The following EGR3 variants were observed in gnomAD, a reference collection of about 807,000 sequenced individuals.
EGR3 encodes early growth response 3, also known as early growth response protein 3.
Under a neutral mutation model 22.4 loss-of-function variants are expected in EGR3, and 4 were observed. The ratio of observed to expected loss-of-function variants is 0.18; its 90% CI spans 0.09 to 0.41. The LOEUF is 0.41. Among genes scored for constraint, EGR3 ranks in the 10% least tolerant of loss-of-function variants. The pLI, the probability that EGR3 is intolerant of heterozygous loss-of-function variation, is 1.00. For synonymous variants in EGR3, 219 were observed against 226.8 expected (o/e 0.97, Z 0.31); for missense variants, 315 against 541.3 (o/e 0.58, Z 4.15).
rs1803922688 is a variant in EGR3, at chr8:22,690,734, G to T, written c.903C>A (p.Gly301=). The T allele has an allele frequency of 6.2e-7, 1 of 1,613,996 alleles. No homozygotes were observed. The highest frequency in any genetic ancestry group is 1.7e-4 in the Middle Eastern group (1 of 6,056). ...ELTRHLRIHT[G]HKPFQCRICM... ...AGATCCGGCACTGGAAGGGCTTGTG[G>T]CCCGTGTGGATGCGCAGGTGCCGGG... The change falls in exon 2 of 2, where the codon GGC becomes GGA. Residue 301 remains glycine (G), a synonymous_variant. Transcript: ENST00000317216.
rs1364273354 is a variant in EGR3, at chr8:22,691,383, T to C, written c.254A>G (p.Tyr85Cys). Reference protein sequence around the residue: ...QPAPGNKTVTYLGKFAFDSPS... With the variant: ...QPAPGNKTVTCLGKFAFDSPS... ...GGAGTCGAAGGCGAACTTTCCCAAG[T>C]AGGTCACGGTCTTGTTGCCGGGGGC... The change falls in exon 2 of 2, where the codon TAC (tyrosine) becomes TGC (cysteine). Residue 85 changes from tyrosine (Y) to cysteine (C), a missense_variant. This residue lies in a region of EGR3 where 227 missense variants were observed against 303.6 expected (regional missense o/e 0.75). Coordinates refer to ENST00000317216, the MANE Select transcript of EGR3 (RefSeq NM_004430.3). 1.2e-6 allele frequency: 2 copies of C among 1,613,886 alleles called. No homozygotes were observed. The highest frequency in any genetic ancestry group is 8.5e-7 in the Non-Finnish European group (1 of 1,180,014).
rs1205414112 is a variant in EGR3 at position 22,692,967 on chromosome 8, C to A, written c.-23G>T. On this transcript the variant is annotated 5_prime_UTR_variant, in exon 1 of 2. Transcript: ENST00000317216. This position sits in a 1 kb window ranked among gnomAD's most constrained non-coding sequence, Gnocchi z 6.2. ...CATAGCACTCCCGAGCTGCCGCCGC[C>A]GCCGCCACCGCCGCCACCGCCGCCG... is the stretch of plus-strand genomic sequence containing the variant. The A allele has an allele frequency of 1.6e-5, 26 of 1,583,120 alleles. No individual in the cohort carries two copies. Among genetic ancestry groups the A allele is most frequent in the Non-Finnish European group, 2.1e-5 (24 of 1,168,526 alleles).
chr8:22,689,018 T>C lies in EGR3; in HGVS notation c.*1455A>G, dbSNP rs1803854711. ...GTATACACACATATCCATACATAGA[T>C]GTGTATATGTGTATATATGTACACT... On this transcript the variant is annotated 3_prime_UTR_variant, in exon 2 of 2. Coordinates refer to ENST00000317216, the MANE Select transcript of EGR3 (RefSeq NM_004430.3). 6.5e-6 allele frequency: 1 copy of C among 152,688 alleles called. No individual in the cohort carries two copies. Among genetic ancestry groups the C allele is most frequent in the South Asian group, 2.1e-4 (1 of 4,834 alleles). 9.5% of individuals were successfully genotyped at this position (152,688 alleles called of 1,614,324 possible).
At position 22,690,341 on chromosome 8, in the gene EGR3, A is replaced by C; in HGVS notation, c.*132T>G. The C allele has an allele frequency of 1.3e-6, 1 of 749,034 alleles. No individual in the cohort carries two copies. The highest frequency in any genetic ancestry group is 2.1e-6 in the Non-Finnish European group (1 of 473,822). The allele number at this position is 749,034 out of a possible 1,614,324, so 46.4% of individuals were successfully genotyped here. A position where few individuals can be genotyped will look rare whatever the true frequency, so the allele number is the denominator to read the frequency against. ...TGGGAACCGGGGGCATCGAAGGGGA[A>C]GCAAGGGGCCGCACGTCCATGGAGA... On this transcript the variant is annotated 3_prime_UTR_variant, in exon 2 of 2. Coordinates refer to ENST00000317216, the MANE Select transcript of EGR3 (RefSeq NM_004430.3).
chr8:22,692,393 G>T lies in EGR3; in HGVS notation c.154+398C>A. ...GGGGGAGAGCGCGGGTGAAAAAGAC[G>T]CCGGGCTCCTCCCGGGAAGAGGGCG... On this transcript the variant is annotated intron_variant, in intron 1 of 1. Coordinates refer to ENST00000317216, the MANE Select transcript of EGR3 (RefSeq NM_004430.3). The surrounding 1 kb of genome is among the most constrained non-coding windows in gnomAD (Gnocchi z 6.2). 2 of 1,449,682 alleles carry T rather than the reference G, an allele frequency of 1.4e-6. No individual in the cohort carries two copies. Among genetic ancestry groups the T allele is most frequent in the Non-Finnish European group, 9.0e-7 (1 of 1,106,842 alleles). The allele number at this position is 1,449,682 out of a possible 1,614,324, so 89.8% of individuals were successfully genotyped here.
Position 22,693,004 on chromosome 8 carries a change from C to T in EGR3, c.-60G>A. 1 of 1,521,966 alleles carries T rather than the reference C, an allele frequency of 6.6e-7. No homozygotes were observed. Among genetic ancestry groups the T allele is most frequent in the South Asian group, 1.1e-5 (1 of 88,156 alleles). 94.3% of individuals were successfully genotyped at this position (1,521,966 alleles called of 1,614,324 possible). ...CGCCACCGCCGCCGCTCGCTCCTAA[C>T]GCAGCTTCCAGGCAAGCGGCATCCG... On this transcript the variant is annotated 5_prime_UTR_variant, in exon 1 of 2. Coordinates refer to ENST00000317216, the MANE Select transcript of EGR3 (RefSeq NM_004430.3).
Position 22,692,127 on chromosome 8 carries a change from CG to C in EGR3, c.155-646del. ...CCCAGCTAGGGAGGGTGGAGAGCGG[CG>C]GAAAACCGGCCGGTGTCTCCATGGC... On this transcript the variant is annotated intron_variant, in intron 1 of 1. Coordinates refer to ENST00000317216, the MANE Select transcript of EGR3 (RefSeq NM_004430.3). This position sits in a 1 kb window ranked among gnomAD's most constrained non-coding sequence, Gnocchi z 6.2. 7.3e-7 allele frequency: 1 copy of C among 1,366,142 alleles called. No individual in the cohort carries two copies. The highest frequency in any genetic ancestry group is 9.4e-7 in the Non-Finnish European group (1 of 1,064,112). The allele number at this position is 1,366,142 out of a possible 1,614,324, so 84.6% of individuals were successfully genotyped here.
rs942671545 is a variant in EGR3 at position 22,687,956 on chromosome 8, A to G, written c.*2517T>C. ...CTTAGTATAAGGTACTATAAATCCA[A>G]GAAATAAAAACATCCACAAAATATA... On this transcript the variant is annotated 3_prime_UTR_variant, in exon 2 of 2. Coordinates refer to ENST00000317216, the MANE Select transcript of EGR3 (RefSeq NM_004430.3). This position sits in a 1 kb window ranked among gnomAD's most constrained non-coding sequence, Gnocchi z 4.7. 1 of 152,684 alleles carries G rather than the reference A, an allele frequency of 6.5e-6. No homozygotes were observed. The highest frequency in any genetic ancestry group is 2.4e-5 in the African/African-American group (1 of 41,474). 9.5% of individuals were successfully genotyped at this position (152,684 alleles called of 1,614,324 possible).
Position 22,691,502 on chromosome 8 carries a change from G to C in EGR3, c.155-20C>G. On this transcript the variant is annotated intron_variant, in intron 1 of 1. Transcript: ENST00000317216. ...CATTCTCTGCGGAGAGCGGGGGAGAGAGGGGAGGGGTGAGTGAAGCCGATC... is the reference window on the plus strand; with the variant it reads ...CATTCTCTGCGGAGAGCGGGGGAGACAGGGGAGGGGTGAGTGAAGCCGATC... The C allele has an allele frequency of 6.2e-7, 1 of 1,608,040 alleles. No homozygotes were observed. Among genetic ancestry groups the C allele is most frequent in the Non-Finnish European group, 8.5e-7 (1 of 1,176,762 alleles).
rs1326911058 is a variant in EGR3, at chr8:22,693,120, G to A, written c.-176C>T. The A allele has an allele frequency of 3.4e-5, 34 of 994,822 alleles. No individual in the cohort carries two copies. Among genetic ancestry groups the A allele is most frequent in the Admixed American group, 6.0e-5 (2 of 33,382 alleles). The allele number at this position is 994,822 out of a possible 1,614,324, so 61.6% of individuals were successfully genotyped here. A position where few individuals can be genotyped will look rare whatever the true frequency, so the allele number is the denominator to read the frequency against. Reference sequence around the variant, plus strand: ...AGAAGGGAAGGGATGGGCCAGGAGAGGGGATCTTCTCTTTTTTGGGGGGCG... The same window carrying A: ...AGAAGGGAAGGGATGGGCCAGGAGAAGGGATCTTCTCTTTTTTGGGGGGCG... On this transcript the variant is annotated 5_prime_UTR_variant, in exon 1 of 2. Coordinates refer to ENST00000317216, the MANE Select transcript of EGR3 (RefSeq NM_004430.3).
Position 22,692,509 on chromosome 8 carries a change from T to A in EGR3, c.154+282A>T. ...GCCGCTCGCACCTACCTCCCTCCGG[T>A]CGGCGGCTGCCCCCACCCGGGAGAA... On this transcript the variant is annotated intron_variant, in intron 1 of 1. Coordinates refer to ENST00000317216, the MANE Select transcript of EGR3 (RefSeq NM_004430.3). This position sits in a 1 kb window ranked among gnomAD's most constrained non-coding sequence, Gnocchi z 6.2. The A allele has an allele frequency of 7.1e-7, 1 of 1,415,280 alleles. No individual in the cohort carries two copies. The highest frequency in any genetic ancestry group is 2.6e-5 in the East Asian group (1 of 38,736). The allele number at this position is 1,415,280 out of a possible 1,614,324, so 87.7% of individuals were successfully genotyped here.
chr8:22,691,851 C>T, intron 1 of EGR3: 2 of 985,362 alleles, frequency 2.0e-6, no homozygotes, highest in Non-Finnish European at 2.4e-6. Flanking sequence ...GCTGGGCTCT[C>T]GCTCTCCACC....
Position 22,692,544 on chromosome 8 carries a change from C to A in EGR3, c.154+247G>T. The A allele has an allele frequency of 7.0e-7, 1 of 1,428,332 alleles. No homozygotes were observed. The highest frequency in any genetic ancestry group is 9.1e-7 in the Non-Finnish European group (1 of 1,095,128). 88.5% of individuals were successfully genotyped at this position (1,428,332 alleles called of 1,614,324 possible). A position where few individuals can be genotyped will look rare whatever the true frequency, so the allele number is the denominator to read the frequency against. On this transcript the variant is annotated intron_variant, in intron 1 of 1. Transcript: ENST00000317216. This position sits in a 1 kb window ranked among gnomAD's most constrained non-coding sequence, Gnocchi z 6.2. ...CCCCCACCCGGGAGAACCGAAGCCTCTACCGTGGCGTCGCCAACCTAGCCT... is the reference window on the plus strand; with the variant it reads ...CCCCCACCCGGGAGAACCGAAGCCTATACCGTGGCGTCGCCAACCTAGCCT...
rs1803842321 is a variant in EGR3 at position 22,688,599 on chromosome 8, T to A, written c.*1874A>T. 6.6e-6 allele frequency: 1 copy of A among 152,460 alleles called. No individual in the cohort carries two copies. The highest frequency in any genetic ancestry group is 2.4e-5 in the African/African-American group (1 of 41,386). The allele number at this position is 152,460 out of a possible 1,614,324, so 9.4% of individuals were successfully genotyped here. ...AAATCAAAACAAAACAAAACAAAAA[T>A]GGTACTTCTTTTTCTTAAAAAAGAA... On this transcript the variant is annotated 3_prime_UTR_variant, in exon 2 of 2. Transcript: ENST00000317216.
chr8:22,693,345 TGCCACCGCCACCGCCACCGCCACC>T lies in EGR3; in HGVS notation c.-425_-402del, dbSNP rs1219007877. ...CCCGCCGCCCCCCCGCCCCCCGATC[TGCCACCGCCACCGCCACCGCCACC>T]GCCGCCGCCGCCGCCGCCGCCGCCG... On this transcript the variant is annotated 5_prime_UTR_variant, in exon 1 of 2. Transcript: ENST00000317216. The T allele has an allele frequency of 2.3e-5, 1 of 44,346 alleles. No homozygotes were observed. The highest frequency in any genetic ancestry group is 4.4e-5 in the Non-Finnish European group (1 of 22,754). The allele number at this position is 44,346 out of a possible 1,614,324, so 2.7% of individuals were successfully genotyped here.
chr8:22,689,500 A>G lies in EGR3; in HGVS notation c.*973T>C, dbSNP rs556581848. The stretch of plus-strand genomic sequence containing the variant: ...GAAAAGATTTTGAAAGAGATGGGAG[A>G]AGGTTTAGAGGGGAGAAGGGGAAGG... On this transcript the variant is annotated 3_prime_UTR_variant, in exon 2 of 2. Transcript: ENST00000317216. The G allele has an allele frequency of 6.6e-6, 1 of 152,572 alleles. No homozygotes were observed. Among genetic ancestry groups the G allele is most frequent in the Admixed American group, 6.5e-5 (1 of 15,276 alleles). The allele number at this position is 152,572 out of a possible 1,614,324, so 9.5% of individuals were successfully genotyped here.
At position 22,690,690 on chromosome 8, in the gene EGR3, C is replaced by T; in HGVS notation, c.947G>A (p.Arg316His). 6.2e-7 allele frequency: 1 copy of T among 1,614,010 alleles called. No individual in the cohort carries two copies. Among genetic ancestry groups the T allele is most frequent in the Non-Finnish European group, 8.5e-7 (1 of 1,179,890 alleles). Reference protein sequence around the residue: ...QCRICMRSFSRSDHLTTHIRT... With the variant: ...QCRICMRSFSHSDHLTTHIRT... ...GATGTGAGTGGTGAGGTGGTCGCTGCGGCTGAAGCTCCGCATGCAGATCCG... is the reference window on the plus strand; with the variant it reads ...GATGTGAGTGGTGAGGTGGTCGCTGTGGCTGAAGCTCCGCATGCAGATCCG... The change falls in exon 2 of 2, where the codon CGC (arginine) becomes CAC (histidine). Residue 316 changes from arginine (R) to histidine (H), a missense_variant. Arg to His is a conservative substitution (Grantham distance 29, BLOSUM62 0). This residue lies in a region of EGR3 where 16 missense variants were observed against 118.3 expected (regional missense o/e 0.14). Coordinates refer to ENST00000317216, the MANE Select transcript of EGR3 (RefSeq NM_004430.3).
In EGR3 at chr8:22,692,962, G is replaced by GCCGCCGCCGCCA. The variant is rs945198777; in HGVS notation, c.-30_-19dup. The GCCGCCGCCGCCA allele has an allele frequency of 6.3e-6, 10 of 1,595,960 alleles. No individual in the cohort carries two copies. ...CCGGTCATAGCACTCCCGAGCTGCC[G>GCCGCCGCCGCCA]CCGCCGCCGCCACCGCCGCCACCGC... is the stretch of plus-strand genomic sequence containing the variant. On this transcript the variant is annotated 5_prime_UTR_variant, in exon 1 of 2. Transcript: ENST00000317216. This position sits in a 1 kb window ranked among gnomAD's most constrained non-coding sequence, Gnocchi z 6.2.
chr8:22,692,332 A>G lies in EGR3; in HGVS notation c.154+459T>C. On this transcript the variant is annotated intron_variant, in intron 1 of 1. Coordinates refer to ENST00000317216, the MANE Select transcript of EGR3 (RefSeq NM_004430.3). The surrounding 1 kb of genome is among the most constrained non-coding windows in gnomAD (Gnocchi z 6.2). ...CCACCGCGGGGACTCCACGCCGCAC[A>G]TGGCTCCATCCCGGGTGGGAGGCTG... 1 of 1,511,980 alleles carries G rather than the reference A, an allele frequency of 6.6e-7. No individual in the cohort carries two copies. The highest frequency in any genetic ancestry group is 8.8e-7 in the Non-Finnish European group (1 of 1,137,082). The allele number at this position is 1,511,980 out of a possible 1,614,324, so 93.7% of individuals were successfully genotyped here. A position where few individuals can be genotyped will look rare whatever the true frequency, so the allele number is the denominator to read the frequency against.
Sources: gnomAD v4.1 joint callset for allele counts on GRCh38, gnomAD v4.1.1 for gene constraint, gnomAD v4.1.1 regional missense constraint, Gnocchi (gnomAD v3.1) non-coding constraint, MANE v1.5 for transcripts, NCBI Gene and HGNC (gene_info 2026-07-23, HGNC 2026-07-21) for gene names.